The following NRG4 variants were observed in gnomAD, a reference collection of about 807,000 sequenced individuals.
NRG4 encodes the protein pro-neuregulin-4, membrane-bound isoform.
Under a neutral mutation model 15.0 loss-of-function variants are expected in NRG4, and 10 were observed. The observed-to-expected ratio is 0.67, with a 90% CI of 0.41 to 1.13. The LOEUF (loss-of-function observed/expected upper bound fraction) is 1.13. Among genes scored for constraint, NRG4 ranks in the 50% most tolerant of loss-of-function variants. NRG4 has a pLI of 0.00. For synonymous variants in NRG4, 41 were observed against 50.1 expected, an observed-to-expected ratio of 0.82 and a Z score of 0.77; for missense variants, 139 against 140.2, an observed-to-expected ratio of 0.99 and a Z score of 0.04.
chr15:75,983,611 A>C (rs1281498376), intron 3 of NRG4, among the ~76,000 whole-genome samples: 1 of 152,154 alleles, frequency 6.6e-6, no homozygotes, highest in Non-Finnish European at 1.5e-5. Context: ...ACCCAAAGGA[A>C]TAAAATAAAA....
At chr15:76,019,979 C>T (rs2035102703) in intron 5 of NRG4, among the ~76,000 whole-genome samples, 1 of 152,220 alleles carries the variant, frequency 6.6e-6, no homozygotes, top group Non-Finnish European at 1.5e-5. Flanking sequence ...CCTGTGCTCA[C>T]TTCACGTTTC....
chr15:76,034,780 T>A (rs2035560827), intron 5 of NRG4, among the ~76,000 whole-genome samples: 1 of 152,156 alleles, frequency 6.6e-6, no homozygotes. Context: ...ATTATGAGGT[T>A]CTTTGTCAAT....
chr15:75,943,788 G>A, intron 5 of NRG4, 134 bp from the exon 6 acceptor site: 1 of 605,888 alleles, frequency 1.7e-6, no homozygotes. Context: ...ATGTGTTGAG[G>A]TAAACTAACC....
chr15:76,011,225 TG>T lies in NRG4; in HGVS notation c.5del (p.Pro2GlnfsTer17). Reference protein sequence around the residue: MPTDHEEPCGPS... With the variant: MXTDHEEPCGPS... The stretch of plus-strand genomic sequence containing the variant: ...TATAAATATATAAGAAATTACCTGT[TG>T]GCATCTTAATTTGTAAATAGTTTCA... On this transcript the variant is annotated frameshift_variant, in exon 2 of 6. Coordinates refer to ENST00000394907, the MANE Select transcript of NRG4 (RefSeq NM_138573.4). LOFTEE classifies it high-confidence loss of function. 6.9e-7 allele frequency: 1 copy of T among 1,452,016 alleles called. No individual in the cohort carries two copies. Among genetic ancestry groups the T allele is most frequent in the Admixed American group, 2.3e-5 (1 of 44,300 alleles). The allele number at this position is 1,452,016 out of a possible 1,614,324, so 89.9% of individuals were successfully genotyped here.
At chr15:75,952,225 G>A (rs533893071) in intron 5 of NRG4, among the ~76,000 whole-genome samples, 4 of 152,140 alleles carry the variant, frequency 2.6e-5, no homozygotes, top group South Asian at 2.1e-4. Context: ...TCCCTTAGCC[G>A]TCACTCCCCA....
intron 5 of NRG4, among the ~76,000 whole-genome samples, chr15:75,944,955 C>CTTT (rs397714796): frequency 3.5e-4 from 52 of 149,112 alleles, no homozygotes; most frequent in East Asian, 5.9e-4. Context: ...TTTTTTAATA[C>CTTT]TTTTTTTTTT....
At chr15:76,029,234 T>C (rs2035404805) in intron 5 of NRG4, among the ~76,000 whole-genome samples, 1 of 152,102 alleles carries the variant, frequency 6.6e-6, no homozygotes, top group Admixed American at 6.6e-5. Context: ...AAAAGAGCAT[T>C]TGATAAAATT....
rs577663951 is a variant in NRG4, at chr15:76,008,306, G to A, written c.104+894C>T. Among the ~76,000 whole-genome samples, 29 of 152,216 alleles carry A rather than the reference G, an allele frequency of 1.9e-4. 1 individual carries two copies. In the South Asian group the frequency reaches 4.4e-3, roughly 23 times the overall value. ...ATGAGAAGCCCTAAAAACTTCTTGA[G>A]ATAATTGTGAGGTTATTTCTCTCTG... is the stretch of plus-strand genomic sequence containing the variant. On this transcript the variant is annotated intron_variant, in intron 3 of 5. Coordinates refer to ENST00000394907, the MANE Select transcript of NRG4 (RefSeq NM_138573.4).
At chr15:76,002,769 C>T (rs1329734496) in intron 3 of NRG4, among the ~76,000 whole-genome samples, 1 of 152,024 alleles carries the variant, frequency 6.6e-6, no homozygotes, top group Non-Finnish European at 1.5e-5. Flanking sequence ...GTCAATTAAA[C>T]AAGAGCACAT....
intron 1 of NRG4, among the ~76,000 whole-genome samples, chr15:76,057,801 CTAT>C (rs933510613): frequency 5.3e-5 from 8 of 150,776 alleles, no homozygotes; most frequent in African/African-American, 1.2e-4. Flanking sequence ...AATACAATGG[CTAT>C]TATATTATAA....
At chr15:75,950,065 C>T (rs1210584639) in intron 5 of NRG4, among the ~76,000 whole-genome samples, 1 of 152,168 alleles carries the variant, frequency 6.6e-6, no homozygotes, top group Admixed American at 6.6e-5. Context: ...AATTTGAGAA[C>T]TGACACCTTA....
intron 3 of NRG4, among the ~76,000 whole-genome samples, chr15:75,998,660 T>C (rs576946115): frequency 6.6e-6 from 1 of 152,184 alleles, no homozygotes; most frequent in African/African-American, 2.4e-5. Flanking sequence ...GTTTTAAGCA[T>C]AGAAATAACA....
chr15:75,960,615 C>T (rs2032468969), intron 4 of NRG4, among the ~76,000 whole-genome samples: 1 of 152,176 alleles, frequency 6.6e-6, no homozygotes, highest in South Asian at 2.1e-4. Context: ...GTTTAGGCTT[C>T]TTACAACATG....
intron 5 of NRG4, among the ~76,000 whole-genome samples, chr15:75,953,111 G>A (rs1050912527): frequency 1.3e-5 from 2 of 152,172 alleles, no homozygotes; most frequent in East Asian, 3.8e-4. Context: ...AGGTCATGAA[G>A]ATTGACACCT....
chr15:75,975,919 T>C (rs2033344607), intron 3 of NRG4, among the ~76,000 whole-genome samples: 1 of 152,202 alleles, frequency 6.6e-6, no homozygotes, highest in African/African-American at 2.4e-5. Context: ...GTTGGGGAAA[T>C]TCTCCTGGAT....
At chr15:75,954,257 G>GTT (rs1187593690) in intron 5 of NRG4, among the ~76,000 whole-genome samples, 1 of 140,086 alleles carries the variant, frequency 7.1e-6, no homozygotes, top group African/African-American at 2.7e-5. Flanking sequence ...TCCAGTTTTT[G>GTT]TTTTTTTGTT....
At chr15:75,981,766 A>G (rs551944575) in intron 3 of NRG4, among the ~76,000 whole-genome samples, 1 of 152,340 alleles carries the variant, frequency 6.6e-6, no homozygotes, top group African/African-American at 2.4e-5. Context: ...ATAGATAACC[A>G]AACTACAAAA....
chr15:75,946,461 C>G (rs1244114205), intron 5 of NRG4, among the ~76,000 whole-genome samples: 1 of 152,078 alleles, frequency 6.6e-6, no homozygotes, highest in Non-Finnish European at 1.5e-5. Context: ...GGGTTCACGC[C>G]ATTTTCCTGC....
At chr15:76,023,279 T>C (rs1174071696) in intron 5 of NRG4, among the ~76,000 whole-genome samples, 1 of 151,566 alleles carries the variant, frequency 6.6e-6, no homozygotes, top group Non-Finnish European at 1.5e-5. Context: ...GAGGTACCTA[T>C]AGTGATTGGA....
Sources: gnomAD v4.1 joint callset for allele counts (sites outside exome capture counted in the v4.1 genomes callset) on GRCh38, gnomAD v4.1.1 for gene constraint, MANE v1.5 for transcripts, NCBI Gene and HGNC (gene_info 2026-07-23, HGNC 2026-07-21) for gene names.